Variants in ZNF793 observed in about 807,000 individuals in gnomAD.
ZNF793 encodes zinc finger protein 793.
Under a neutral mutation model 12.4 loss-of-function variants are expected in ZNF793, and 5 were observed. That is an observed-to-expected ratio of 0.40 (90% CI 0.21 to 0.84). The LOEUF (loss-of-function observed/expected upper bound fraction) is 0.84. ZNF793 is among the 40% of genes least tolerant of loss of function. The probability of loss-of-function intolerance (pLI) is 0.35; values close to 1 mark genes in which losing one functional copy is unlikely to be tolerated. For missense variants in ZNF793, 456 were observed against 495.0 expected (o/e 0.92, Z 0.75); for synonymous variants, 162 against 172.4 (o/e 0.94, Z 0.47).
chr19:37,537,720 C>T lies in ZNF793; in HGVS notation c.1062C>T (p.Leu354=). 6.2e-7 allele frequency: 1 copy of T among 1,613,988 alleles called. No individual in the cohort carries two copies. The highest frequency in any genetic ancestry group is 8.5e-7 in the Non-Finnish European group (1 of 1,179,964). ...CGKSFSQKSC[L]NKHWRTHTGE... ...AATCCTTCAGCCAGAAGTCATGCCT[C>T]AATAAACATTGGAGAACTCACACAG... Residue 354 remains leucine (L), a synonymous_variant, in exon 8 of 8, where the codon CTC becomes CTT. Transcript: ENST00000627814.
In ZNF793 at chr19:37,533,351, G is replaced by GGAA. The variant is rs1381974137; in HGVS notation, c.191_193dup (p.Glu64dup). 9 of 1,614,014 alleles carry GGAA rather than the reference G, an allele frequency of 5.6e-6. No individual in the cohort carries two copies. Among genetic ancestry groups the GGAA allele is most frequent in the Non-Finnish European group, 7.6e-6 (9 of 1,179,876 alleles). The stretch of plus-strand genomic sequence containing the variant: ...CAGATGTGATCCTCAGACTGGAGCA[G>GGAA]GAAGAAGCACCATGGATTGGTGAGG... On this transcript the variant is annotated inframe_insertion, in exon 7 of 8. Transcript: ENST00000627814.
chr19:37,525,125 C>A (rs1171849174), intron 5 of ZNF793, among the ~76,000 whole-genome samples: 1 of 151,492 alleles, frequency 6.6e-6, no homozygotes, highest in East Asian at 1.9e-4. Context: ...CAAATGATTT[C>A]TTTCTGTTTT....
chr19:37,508,620 C>T (rs1377064830), intron 2 of ZNF793, among the ~76,000 whole-genome samples: 1 of 151,996 alleles, frequency 6.6e-6, no homozygotes, highest in Non-Finnish European at 1.5e-5. Context: ...GCAGGAGAAT[C>T]GTTTGAACCC....
rs2042516471 is a variant in ZNF793, at chr19:37,537,495, G to A, written c.837G>A (p.Gly279=). ...TCAAACACCAGAGAATTCACACTGG[G>A]GTAAGACCCTTTGAATGTTTTTTTT... The part of the protein sequence containing the change: ...TLIKHQRIHT[G]VRPFECFFCG... Residue 279 remains glycine, a synonymous_variant, in exon 8 of 8, where the codon GGG becomes GGA. Transcript: ENST00000627814. 1 of 1,613,888 alleles carries A rather than the reference G, an allele frequency of 6.2e-7. No individual in the cohort carries two copies. The highest frequency in any genetic ancestry group is 1.7e-5 in the Admixed American group (1 of 59,984).
intron 5 of ZNF793, among the ~76,000 whole-genome samples, chr19:37,530,261 G>C (rs1253845255): frequency 6.6e-6 from 1 of 152,050 alleles, no homozygotes; most frequent in Non-Finnish European, 1.5e-5. Context: ...CATTGCCCAG[G>C]GACGGGCAGG....
At chr19:37,512,890 A>G (rs2042304488) in intron 2 of ZNF793, among the ~76,000 whole-genome samples, 2 of 151,996 alleles carry the variant, frequency 1.3e-5, no homozygotes, top group African/African-American at 4.8e-5. Flanking sequence ...TAGTTGTCAT[A>G]TCTCTTTAGA....
chr19:37,520,149 T>C (rs548303736), intron 2 of ZNF793, 35 bp from the exon 3 acceptor site: 8 of 152,710 alleles, frequency 5.2e-5, no homozygotes, highest in East Asian at 1.9e-4. Context: ...GGAAGGACGA[T>C]TGGATGACTC....
At chr19:37,533,827 A>C in intron 7 of ZNF793, 2 of 324,300 alleles carry the variant, frequency 6.2e-6, no homozygotes, top group Non-Finnish European at 1.1e-5. Context: ...AGTGAATTCC[A>C]TGTTGGGGTG....
intron 5 of ZNF793, 153 bp from the exon 6 acceptor site, chr19:37,532,203 G>T: frequency 1.3e-6 from 1 of 750,254 alleles, no homozygotes. Flanking sequence ...TAGTATAGAC[G>T]GGGTTTCACC....
At chr19:37,511,741 T>C (rs991976010) in intron 2 of ZNF793, among the ~76,000 whole-genome samples, 2 of 152,148 alleles carry the variant, frequency 1.3e-5, no homozygotes, top group African/African-American at 4.8e-5. Flanking sequence ...TTTCTATTAT[T>C]CTCCCTGGAA....
At chr19:37,519,842 G>A (rs188111483) in intron 2 of ZNF793, among the ~76,000 whole-genome samples, 1 of 152,352 alleles carries the variant, frequency 6.6e-6, no homozygotes, top group African/African-American at 2.4e-5. Context: ...GGCAGAGCCT[G>A]CATTTGAACC....
chr19:37,512,023 G>C (rs1370462449), intron 2 of ZNF793, among the ~76,000 whole-genome samples: 1 of 152,116 alleles, frequency 6.6e-6, no homozygotes, highest in African/African-American at 2.4e-5. Context: ...TATCTCGGAG[G>C]AGTCTGCCTT....
At chr19:37,529,911 G>A (rs1430643925) in intron 5 of ZNF793, among the ~76,000 whole-genome samples, 1 of 151,966 alleles carries the variant, frequency 6.6e-6, no homozygotes, top group Admixed American at 6.6e-5. Context: ...AGAAATAATG[G>A]GGCCCAGGGT....
intron 5 of ZNF793, among the ~76,000 whole-genome samples, chr19:37,527,175 C>T (rs2042422431): frequency 1.3e-5 from 2 of 152,096 alleles, no homozygotes; most frequent in African/African-American, 4.8e-5. Flanking sequence ...TCTTGAACTC[C>T]TGACCTCAGG....
At chr19:37,536,260 A>G (rs1399866172) in intron 7 of ZNF793, 2 of 393,812 alleles carry the variant, frequency 5.1e-6, no homozygotes, top group Non-Finnish European at 8.9e-6. Flanking sequence ...GATGACTGCT[A>G]TACCAGTGCT....
chr19:37,529,136 T>C (rs1415353496), intron 5 of ZNF793, among the ~76,000 whole-genome samples: 1 of 152,160 alleles, frequency 6.6e-6, no homozygotes, highest in Admixed American at 6.5e-5. Flanking sequence ...TGCTCTTCTT[T>C]TTGTTTTGTT....
intron 7 of ZNF793, chr19:37,536,217 T>G: frequency 2.6e-6 from 1 of 381,734 alleles, no homozygotes. Flanking sequence ...CCGTTTATAT[T>G]GTAACTAACT....
intron 5 of ZNF793, among the ~76,000 whole-genome samples, chr19:37,528,249 T>C (rs1408342077): frequency 6.6e-6 from 1 of 152,154 alleles, no homozygotes; most frequent in Non-Finnish European, 1.5e-5. Context: ...CAAACAGTGC[T>C]AAATCCTCCC....
intron 2 of ZNF793, among the ~76,000 whole-genome samples, chr19:37,516,591 C>G (rs1363464398): frequency 6.6e-6 from 1 of 152,064 alleles, no homozygotes; most frequent in African/African-American, 2.4e-5. Flanking sequence ...AGATGGCTGC[C>G]ATGCTGCTAG....
Sources: gnomAD v4.1 joint callset for allele counts (sites outside exome capture counted in the v4.1 genomes callset) on GRCh38, gnomAD v4.1.1 for gene constraint, MANE v1.5 for transcripts, NCBI Gene and HGNC (gene_info 2026-07-23, HGNC 2026-07-21) for gene names.